Variants in MYOM2 observed in about 807,000 individuals in gnomAD.
The protein encoded by MYOM2 is myomesin-2.
In MYOM2, 254 loss-of-function variants were observed where a neutral mutation model predicts 187.6. The ratio of observed to expected loss-of-function variants is 1.35; its 90% CI spans 1.22 to 1.50. The LOEUF (loss-of-function observed/expected upper bound fraction) is 1.50, where lower values mean the gene tolerates loss of function less well. Among genes scored for constraint, MYOM2 ranks in the 40% most tolerant of loss-of-function variants. The probability of loss-of-function intolerance (pLI) is 0.00; values close to 1 mark genes in which losing one functional copy is unlikely to be tolerated. For missense variants in MYOM2, 2,796 were observed against 1,924.0 expected (o/e 1.45, Z -8.48); for synonymous variants, 981 against 753.8 (o/e 1.30, Z -4.94).
At chr8:2,129,047 G>C (rs1797756880) in intron 31 of MYOM2, 80 bp from the exon 32 acceptor site, 20 of 1,013,284 alleles carry the variant, frequency 2.0e-5, no homozygotes, top group Non-Finnish European at 2.8e-5. Flanking sequence ...GGGACAGGAG[G>C]GCTTGCCGCC....
intron 6 of MYOM2, among the ~76,000 whole-genome samples, chr8:2,063,472 G>C (rs1818915064): frequency 6.6e-6 from 1 of 152,192 alleles, no homozygotes; most frequent in South Asian, 2.1e-4. Context: ...TGGGACTCAT[G>C]ATGTGAGCCC....
At chr8:2,094,182 A>G (rs1394898544) in intron 17 of MYOM2, 91 bp downstream of exon 17, 2 of 1,502,488 alleles carry the variant, frequency 1.3e-6, no homozygotes, top group African/African-American at 2.8e-5. Context: ...TTGGAATGTC[A>G]TTGAAGGGGA....
intron 6 of MYOM2, among the ~76,000 whole-genome samples, chr8:2,067,893 A>G (rs559490937): frequency 6.4e-4 from 98 of 152,208 alleles, no homozygotes; most frequent in African/African-American, 2.2e-3. Flanking sequence ...GTAGCCTCTT[A>G]TTAGCATGGG....
At chr8:2,105,646 G>A (rs1026182988) in intron 21 of MYOM2, among the ~76,000 whole-genome samples, 17 of 152,128 alleles carry the variant, frequency 1.1e-4, no homozygotes, top group African/African-American at 3.4e-4. Flanking sequence ...TGTATGAGAT[G>A]CAGGGAAGGA....
At chr8:2,134,533 G>T (rs949191011) in intron 32 of MYOM2, among the ~76,000 whole-genome samples, 1 of 152,190 alleles carries the variant, frequency 6.6e-6, no homozygotes, top group Non-Finnish European at 1.5e-5. Flanking sequence ...GGGATTTGAG[G>T]TTCAGCAGTG....
chr8:2,057,393 C>G lies in MYOM2; in HGVS notation c.309C>G (p.Arg103=). The G allele has an allele frequency of 6.2e-7, 1 of 1,613,936 alleles. No individual in the cohort carries two copies. The highest frequency in any genetic ancestry group is 8.5e-7 in the Non-Finnish European group (1 of 1,179,968). The change falls in exon 4 of 37, where the codon CGC becomes CGG. Residue 103 remains arginine, a synonymous_variant. Coordinates refer to ENST00000262113, the MANE Select transcript of MYOM2 (RefSeq NM_003970.4). ...VAAYGEAKRQ[R]FLSELAHLEE... is the part of the protein sequence containing the mutation. ...CCTATGGTGAGGCCAAGCGACAGCG[C>G]TTCCTCAGCGAGCTGGCCCACTTGG...
chr8:2,114,614 C>T (rs1022747754), intron 25 of MYOM2, among the ~76,000 whole-genome samples: 2 of 151,938 alleles, frequency 1.3e-5, no homozygotes, highest in South Asian at 2.1e-4. Context: ...GGATTACAGG[C>T]GTGCGCCACC....
chr8:2,144,595 C>A (rs542585674), intron 36 of MYOM2, 69 bp from the exon 37 acceptor site: 18 of 1,496,610 alleles, frequency 1.2e-5, no homozygotes, highest in Non-Finnish European at 1.6e-5. Context: ...TGGAGCCCAC[C>A]GTCCGAGGGG....
rs192598339 is a variant in MYOM2, at chr8:2,061,069, A to T, written c.653+1824A>T. ...TGGAGGGCTGAGGAGCCCATCTGCT[A>T]TCGAGGGAGGGGCTTGAGTTGGGCT... On this transcript the variant is annotated intron_variant, in intron 6 of 36. Coordinates refer to ENST00000262113, the MANE Select transcript of MYOM2 (RefSeq NM_003970.4). Among the ~76,000 whole-genome samples, 32 of 152,188 alleles carry T rather than the reference A, an allele frequency of 2.1e-4. No homozygotes were observed. The East Asian group carries it at 5.1e-3, about 24-fold the overall frequency.
At chr8:2,140,275 C>A (rs1585980555) in intron 32 of MYOM2, among the ~76,000 whole-genome samples, 1 of 152,164 alleles carries the variant, frequency 6.6e-6, no homozygotes, top group East Asian at 1.9e-4. Flanking sequence ...CTGATCCATT[C>A]ATCACCAATG....
At chr8:2,089,917 A>C in intron 14 of MYOM2, 91 bp from the exon 15 acceptor site, 1 of 1,268,482 alleles carries the variant, frequency 7.9e-7, no homozygotes, top group Non-Finnish European at 1.1e-6. Context: ...TGGTCCTGGG[A>C]TAGCGAGAAC....
Position 2,106,607 on chromosome 8 carries a change from A to C in MYOM2, c.2998+10A>C. The C allele has an allele frequency of 6.3e-7, 1 of 1,577,054 alleles. No homozygotes were observed. Among genetic ancestry groups the C allele is most frequent in the Non-Finnish European group, 8.7e-7 (1 of 1,150,492 alleles). ...GTTCTGGACCCAGAAGGTAATATTT[A>C]TATGGCAGAACCTTGCCTGTTTTGG... On this transcript the variant is annotated intron_variant, in intron 23 of 36. Transcript: ENST00000262113.
At chr8:2,121,066 A>G (rs796601375) in intron 28 of MYOM2, among the ~76,000 whole-genome samples, 2 of 152,146 alleles carry the variant, frequency 1.3e-5, no homozygotes, top group East Asian at 3.9e-4. Flanking sequence ...ATGGACATTT[A>G]AAGGGAAGAA....
At chr8:2,057,842 C>T in intron 5 of MYOM2, 62 bp downstream of exon 5, 1 of 1,563,096 alleles carries the variant, frequency 6.4e-7, no homozygotes, top group Non-Finnish European at 8.7e-7. Context: ...CAGAAAGACC[C>T]CAGTTAAGGA....
intron 23 of MYOM2, among the ~76,000 whole-genome samples, chr8:2,108,233 C>T (rs943792618): frequency 6.6e-6 from 1 of 151,730 alleles, no homozygotes; most frequent in Non-Finnish European, 1.5e-5. Flanking sequence ...CTCAGGAATG[C>T]AAAATGCAGT....
At chr8:2,088,456 C>T (rs1407310465) in intron 14 of MYOM2, among the ~76,000 whole-genome samples, 1 of 152,144 alleles carries the variant, frequency 6.6e-6, no homozygotes, top group Non-Finnish European at 1.5e-5. Context: ...CAGTGTCTAT[C>T]GTTGCCATCT....
Position 2,090,363 on chromosome 8 carries a change from G to T in MYOM2, c.1828+172G>T, listed in dbSNP as rs140814042. 6.0e-4 allele frequency among the ~76,000 whole-genome samples: 91 copies of T among 152,220 alleles called. 2 individuals carry two copies. Among genetic ancestry groups the T allele is most frequent in the Middle Eastern group, 6.8e-3 (2 of 294 alleles). On this transcript the variant is annotated intron_variant, in intron 15 of 36. Transcript: ENST00000262113. ...AAGAGCTCTCTGCCATGTTTTGTTT[G>T]GTTCTTGACATTTCTCCAAAGCTCC...
Position 2,079,556 on chromosome 8 carries a change from G to A in MYOM2, c.1463-4G>A, listed in dbSNP as rs1428051732. On this transcript the variant is annotated splice_polypyrimidine_tract_variant and splice_region_variant and intron_variant, in intron 12 of 36. Transcript: ENST00000262113. Reference sequence around the variant, plus strand: ...AAATCGAGTGTCAACCTTTCTCTCCGCAGCCGTTCATTTGGAGGGAGAGAA... The same window carrying A: ...AAATCGAGTGTCAACCTTTCTCTCCACAGCCGTTCATTTGGAGGGAGAGAA... 9 of 1,613,988 alleles carry A rather than the reference G, an allele frequency of 5.6e-6. No homozygotes were observed. The highest frequency in any genetic ancestry group is 2.2e-5 in the South Asian group (2 of 91,082).
intron 13 of MYOM2, among the ~76,000 whole-genome samples, chr8:2,081,510 G>T (rs181744492): frequency 6.6e-6 from 1 of 152,364 alleles, no homozygotes; most frequent in Non-Finnish European, 1.5e-5. Flanking sequence ...GGGCAGCCCG[G>T]ATCACGCTGA....
Sources: allele counts gnomAD v4.1 joint callset (sites outside exome capture counted in the v4.1 genomes callset), GRCh38; gene constraint gnomAD v4.1.1; transcripts MANE v1.5; gene names NCBI Gene and HGNC (gene_info 2026-07-23, HGNC 2026-07-21).